Variants in SEPTIN9 observed in about 807,000 individuals in gnomAD.
SEPTIN9 encodes the protein septin 9.
In SEPTIN9, 13 loss-of-function variants were observed where a neutral mutation model predicts 56.6. The ratio of observed to expected loss-of-function variants is 0.23; its 90% CI spans 0.15 to 0.37. SEPTIN9 has a LOEUF of 0.37. SEPTIN9 is among the 10% of genes least tolerant of loss of function. The pLI is 1.00. For missense variants in SEPTIN9, 650 were observed against 823.1 expected, an observed-to-expected ratio of 0.79 and a Z score of 2.57; for synonymous variants, 332 against 334.1, an observed-to-expected ratio of 0.99 and a Z score of 0.07.
intron 2 of SEPTIN9, among the ~76,000 whole-genome samples, chr17:77,372,074 G>C (rs540848144): frequency 6.6e-5 from 10 of 151,310 alleles, no homozygotes; most frequent in Admixed American, 5.9e-4. Context: ...GGCGCTCCCC[G>C]GCCACACATT....
At chr17:77,459,515 T>C (rs2038364264) in intron 3 of SEPTIN9, among the ~76,000 whole-genome samples, 1 of 152,088 alleles carries the variant, frequency 6.6e-6, no homozygotes, top group Non-Finnish European at 1.5e-5. Context: ...GAGAAACTAA[T>C]ACATTGTGTT....
At chr17:77,299,352 T>C (rs1220173864) in intron 1 of SEPTIN9, among the ~76,000 whole-genome samples, 1 of 152,256 alleles carries the variant, frequency 6.6e-6, no homozygotes, top group Non-Finnish European at 1.5e-5. Context: ...TAAACAAGGA[T>C]TAATTTTTAG....
At chr17:77,474,203 A>G (rs374431529) in intron 3 of SEPTIN9, among the ~76,000 whole-genome samples, 7 of 151,844 alleles carry the variant, frequency 4.6e-5, no homozygotes, top group African/African-American at 1.7e-4. Flanking sequence ...GGGTAGATCT[A>G]CCTGGGAGCT....
intron 2 of SEPTIN9, among the ~76,000 whole-genome samples, chr17:77,399,684 C>T (rs2035839476): frequency 6.6e-6 from 1 of 152,106 alleles, no homozygotes; most frequent in African/African-American, 2.4e-5. Context: ...CATCTCATTA[C>T]ATTCAGTTCT....
intron 3 of SEPTIN9, among the ~76,000 whole-genome samples, chr17:77,419,054 C>G (rs113493438): frequency 2.0e-5 from 3 of 152,232 alleles, no homozygotes; most frequent in Admixed American, 1.3e-4. Context: ...CTTCCTCTAG[C>G]AGCCTGCCCT....
At chr17:77,493,106 C>T (rs1404323834) in intron 10 of SEPTIN9, 30 bp downstream of exon 10, 4 of 1,494,920 alleles carry the variant, frequency 2.7e-6, no homozygotes, top group Non-Finnish European at 2.7e-6. Flanking sequence ...GGGCTCCAGA[C>T]AGATGGGAAG....
intron 1 of SEPTIN9, chr17:77,288,161 C>T (rs1313363872): frequency 1.9e-6 from 2 of 1,060,342 alleles, no homozygotes; most frequent in East Asian, 5.1e-5. Context: ...GGGGTCCAGG[C>T]AGGAGTGTCA....
At chr17:77,288,060 G>C in intron 1 of SEPTIN9, 1 of 1,063,260 alleles carries the variant, frequency 9.4e-7, no homozygotes, top group Non-Finnish European at 1.1e-6. Context: ...GAAGTGCTGG[G>C]TTAGGGGGCA....
intron 1 of SEPTIN9, among the ~76,000 whole-genome samples, chr17:77,299,928 C>T (rs1397144067): frequency 6.6e-6 from 1 of 152,230 alleles, no homozygotes; most frequent in Non-Finnish European, 1.5e-5. Flanking sequence ...TCCCCCAGCC[C>T]TCCTCCTACC....
rs1056839596 is a variant in SEPTIN9, at chr17:77,296,021, C to T, written c.20-11120C>T. ...ATTAAGGTTAAATGAAGTCATAGGG[C>T]AGGACCCTAATCTAATAGGATTGAT... On this transcript the variant is annotated intron_variant, in intron 1 of 11. Transcript: ENST00000427177. Among the ~76,000 whole-genome samples the T allele has an allele frequency of 7.2e-5, 11 of 152,218 alleles. 1 individual carries two copies. Among genetic ancestry groups the T allele is most frequent in the Middle Eastern group, 3.4e-3 (1 of 294 alleles).
chr17:77,335,926 G>A (rs1457710596), intron 2 of SEPTIN9, among the ~76,000 whole-genome samples: 1 of 126,796 alleles, frequency 7.9e-6, no homozygotes, highest in Non-Finnish European at 1.7e-5. Context: ...CTGTATATGT[G>A]GTCCTGTATT....
intron 2 of SEPTIN9, among the ~76,000 whole-genome samples, chr17:77,309,823 G>A (rs201435790): frequency 2.0e-5 from 3 of 152,162 alleles, no homozygotes; most frequent in East Asian, 3.8e-4. Flanking sequence ...TCACCATCCC[G>A]CTTAAGAAGT....
At position 77,329,014 on chromosome 17, in the gene SEPTIN9, G is replaced by A. The variant is rs558570761; in HGVS notation, c.76+21817G>A. 6.6e-6 allele frequency among the ~76,000 whole-genome samples: 1 copy of A among 152,348 alleles called. No homozygotes were observed. The highest frequency in any genetic ancestry group is 2.1e-4 in the South Asian group (1 of 4,832). On this transcript the variant is annotated intron_variant, in intron 2 of 11. Transcript: ENST00000427177. The surrounding 1 kb of genome is among the most constrained non-coding windows in gnomAD (Gnocchi z 4.3). The stretch of plus-strand genomic sequence containing the variant: ...AAGGAAACAGCAGGTGTGAAGGCCC[G>A]AGGCTGGAGCCTGGGGAAGGTGGGA...
rs1339530218 is a variant in SEPTIN9, at chr17:77,326,062, C to G, written c.76+18865C>G. On this transcript the variant is annotated intron_variant, in intron 2 of 11. Transcript: ENST00000427177. The surrounding 1 kb of genome is among the most constrained non-coding windows in gnomAD (Gnocchi z 5.1). Reference sequence around the variant, plus strand: ...TGTCACCCCTGGAAGCACTTGCCATCCTTATACAGCACCCCACACCCACCT... The same window carrying G: ...TGTCACCCCTGGAAGCACTTGCCATGCTTATACAGCACCCCACACCCACCT... 6.6e-6 allele frequency among the ~76,000 whole-genome samples: 1 copy of G among 152,158 alleles called. No individual in the cohort carries two copies. The highest frequency in any genetic ancestry group is 1.5e-5 in the Non-Finnish European group (1 of 68,016).
At chr17:77,412,444 A>C (rs1044317432) in intron 3 of SEPTIN9, among the ~76,000 whole-genome samples, 39 of 152,232 alleles carry the variant, frequency 2.6e-4, no homozygotes, top group Admixed American at 2.4e-3. Flanking sequence ...TTTTAAAAAG[A>C]GTTCTTTGTA....
At chr17:77,293,987 C>T (rs1387104802) in intron 1 of SEPTIN9, among the ~76,000 whole-genome samples, 1 of 151,946 alleles carries the variant, frequency 6.6e-6, no homozygotes, top group Non-Finnish European at 1.5e-5. Context: ...ACCTGTAGTC[C>T]CAGTTACTTA....
Position 77,445,366 on chromosome 17 carries a change from C to T in SEPTIN9, c.722-36778C>T, listed in dbSNP as rs1438716296. On this transcript the variant is annotated intron_variant, in intron 3 of 11. Coordinates refer to ENST00000427177, the MANE Select transcript of SEPTIN9 (RefSeq NM_001113491.2). This position sits in a 1 kb window ranked among gnomAD's most constrained non-coding sequence, Gnocchi z 4.7. ...GCTCTTGGCATTTGATGGGAAGCAT[C>T]TGCTGCATCCCATTGGGGTGTTGCC... The T allele has an allele frequency of 4.3e-6, 2 of 465,432 alleles. No homozygotes were observed. Among genetic ancestry groups the T allele is most frequent in the Middle Eastern group, 3.2e-4 (1 of 3,078 alleles). The allele number at this position is 465,432 out of a possible 1,614,324, so 28.8% of individuals were successfully genotyped here. A position where few individuals can be genotyped will look rare whatever the true frequency, so the allele number is the denominator to read the frequency against.
At chr17:77,465,573 TC>T (rs1482232485) in intron 3 of SEPTIN9, among the ~76,000 whole-genome samples, 1 of 142,246 alleles carries the variant, frequency 7.0e-6, no homozygotes, top group African/African-American at 2.5e-5. Context: ...AGTCCAGGCC[TC>T]GCTCCATGAA....
At chr17:77,473,894 C>T (rs2039106613) in intron 3 of SEPTIN9, among the ~76,000 whole-genome samples, 1 of 152,146 alleles carries the variant, frequency 6.6e-6, no homozygotes, top group East Asian at 1.9e-4. Context: ...CCAGGATCAT[C>T]GTCTACCATT....
Sources: allele counts gnomAD v4.1 joint callset (sites outside exome capture counted in the v4.1 genomes callset), GRCh38; gene constraint gnomAD v4.1.1; non-coding constraint Gnocchi (gnomAD v3.1); transcripts MANE v1.5; gene names NCBI Gene and HGNC (gene_info 2026-07-23, HGNC 2026-07-21).